OR2AJ1: variants seen among roughly 807,000 people sequenced by gnomAD.
The protein encoded by OR2AJ1 is olfactory receptor 2AJ1.
For missense variants in OR2AJ1, 280 were observed against 163.2 expected (o/e 1.72, Z -3.90); for synonymous variants, 105 against 60.3 (o/e 1.74, Z -3.44).
intron 1 of OR2AJ1, among the ~76,000 whole-genome samples, chr1:247,933,358 G>GA: frequency 6.6e-6 from 1 of 152,306 alleles, no homozygotes; most frequent in Middle Eastern, 3.4e-3. Flanking sequence ...GCAAACATGT[G>GA]AAAATGGAGC....
intron 1 of OR2AJ1, among the ~76,000 whole-genome samples, chr1:247,927,878 G>A (rs1005947854): frequency 2.0e-5 from 3 of 152,130 alleles, no homozygotes; most frequent in South Asian, 2.1e-4. Flanking sequence ...TGACTGAATA[G>A]TATTCCATTG....
intron 1 of OR2AJ1, among the ~76,000 whole-genome samples, chr1:247,932,554 T>C (rs1660165913): frequency 6.6e-6 from 1 of 152,200 alleles, no homozygotes; most frequent in African/African-American, 2.4e-5. Context: ...ATATTGTCGG[T>C]GACATACTTC....
chr1:247,926,174 CATT>C (rs1361278057), intron 1 of OR2AJ1, among the ~76,000 whole-genome samples: 3 of 152,016 alleles, frequency 2.0e-5, no homozygotes, highest in Non-Finnish European at 2.9e-5. Flanking sequence ...TAAATATAAA[CATT>C]ATCTTTAGCA....
intron 1 of OR2AJ1, among the ~76,000 whole-genome samples, chr1:247,933,441 G>C (rs1164172417): frequency 6.6e-6 from 1 of 152,172 alleles, no homozygotes; most frequent in Non-Finnish European, 1.5e-5. Context: ...GCAAGGATAG[G>C]CCTCCTTGGG....
intron 1 of OR2AJ1, among the ~76,000 whole-genome samples, chr1:247,927,232 T>G (rs1193990574): frequency 1.3e-5 from 2 of 152,178 alleles, no homozygotes; most frequent in African/African-American, 4.8e-5. Context: ...ATCATCTCAG[T>G]TTTTTTCAAT....
rs1482465575 is a variant in OR2AJ1 at position 247,924,992 on chromosome 1, A to G, written c.-199A>G. Reference sequence around the variant, plus strand: ...TAAACTGTCAGCTAATCGGAAGGAAATCGCTGAACTGAGTATCACCCAATG... The same window carrying G: ...TAAACTGTCAGCTAATCGGAAGGAAGTCGCTGAACTGAGTATCACCCAATG... On this transcript the variant is annotated 5_prime_UTR_variant, in exon 1 of 2. Transcript: ENST00000318244. 1.3e-5 allele frequency: 2 copies of G among 152,286 alleles called. No individual in the cohort carries two copies. The highest frequency in any genetic ancestry group is 2.9e-5 in the Non-Finnish European group (2 of 68,104). 9.4% of individuals were successfully genotyped at this position (152,286 alleles called of 1,614,324 possible). A position where few individuals can be genotyped will look rare whatever the true frequency, so the allele number is the denominator to read the frequency against.
At chr1:247,930,806 T>C (rs1329939297) in intron 1 of OR2AJ1, among the ~76,000 whole-genome samples, 3 of 152,040 alleles carry the variant, frequency 2.0e-5, no homozygotes, top group Non-Finnish European at 4.4e-5. Context: ...TTGAAGGAAG[T>C]GTGATGTGTC....
At chr1:247,931,327 T>A (rs2103006215) in intron 1 of OR2AJ1, among the ~76,000 whole-genome samples, 1 of 152,338 alleles carries the variant, frequency 6.6e-6, no homozygotes, top group East Asian at 1.9e-4. Flanking sequence ...TTCTCCACTT[T>A]CAAACACGGA....
intron 1 of OR2AJ1, among the ~76,000 whole-genome samples, chr1:247,929,311 A>G (rs1164293409): frequency 1.3e-5 from 2 of 152,086 alleles, no homozygotes; most frequent in African/African-American, 4.8e-5. Context: ...AGTACAAAAT[A>G]TACTTCTGAT....
intron 1 of OR2AJ1, among the ~76,000 whole-genome samples, chr1:247,929,116 A>G (rs527683097): frequency 1.3e-5 from 2 of 152,280 alleles, no homozygotes; most frequent in East Asian, 3.9e-4. Context: ...GTGAATTAAA[A>G]CATCAAATGG....
At chr1:247,926,979 C>A (rs953979962) in intron 1 of OR2AJ1, among the ~76,000 whole-genome samples, 4 of 152,174 alleles carry the variant, frequency 2.6e-5, no homozygotes, top group African/African-American at 9.7e-5. Flanking sequence ...GCGCACACAC[C>A]CCATATGCAG....
chr1:247,928,192 T>G (rs1012020390), intron 1 of OR2AJ1, among the ~76,000 whole-genome samples: 6 of 152,344 alleles, frequency 3.9e-5, no homozygotes, highest in Admixed American at 2.6e-4. Context: ...TTGTCTTTTT[T>G]GATAATGACC....
chr1:247,931,759 C>T (rs1660155026), intron 1 of OR2AJ1, among the ~76,000 whole-genome samples: 1 of 152,034 alleles, frequency 6.6e-6, no homozygotes, highest in African/African-American at 2.4e-5. Flanking sequence ...ATTAATGAGA[C>T]CTAAAATGGG....
At chr1:247,930,269 C>T (rs115432713) in intron 1 of OR2AJ1, among the ~76,000 whole-genome samples, 2 of 152,060 alleles carry the variant, frequency 1.3e-5, no homozygotes, top group Admixed American at 6.6e-5. Context: ...AGTGAACAAT[C>T]GAAGTCTGTA....
chr1:247,934,543 T>A lies in OR2AJ1; in HGVS notation c.775T>A (p.Tyr259Asn). 1 of 717,588 alleles carries A rather than the reference T, an allele frequency of 1.4e-6. No homozygotes were observed. Among genetic ancestry groups the A allele is most frequent in the Non-Finnish European group, 2.6e-6 (1 of 385,106 alleles). The allele number at this position is 717,588 out of a possible 1,614,324, so 44.5% of individuals were successfully genotyped here. The change falls in exon 2 of 2, where the codon TAT becomes AAT. Residue 259 changes from tyrosine to asparagine, a missense_variant. By Grantham distance (143) the Tyr-to-Asn change is moderately radical. Transcript: ENST00000318244. Reference protein sequence around the residue: ...TMYYGPFIFTYMRPKSYHTPG... With the variant: ...TMYYGPFIFTNMRPKSYHTPG... ...GTACTATGGGCCATTTATTTTTACA[T>A]ATATGAGACCTAAATCATACCACAC...
chr1:247,931,620 C>T (rs536495039), intron 1 of OR2AJ1, among the ~76,000 whole-genome samples: 5 of 152,026 alleles, frequency 3.3e-5, no homozygotes, highest in South Asian at 4.2e-4. Flanking sequence ...GGTATTATTG[C>T]GTAGATGATA....
chr1:247,926,876 C>G (rs1660096555), intron 1 of OR2AJ1, among the ~76,000 whole-genome samples: 1 of 152,188 alleles, frequency 6.6e-6, no homozygotes, highest in African/African-American at 2.4e-5. Flanking sequence ...TAGCTTGATT[C>G]TTTGTGACAA....
At chr1:247,927,266 C>T (rs79356174) in intron 1 of OR2AJ1, among the ~76,000 whole-genome samples, 3,398 of 152,064 alleles carry the variant, frequency 0.022, 43 homozygotes, top group Non-Finnish European at 0.032. Context: ...ATAAGAAAAT[C>T]GTTTTCTTTT....
chr1:247,934,497 C>T lies in OR2AJ1; in HGVS notation c.729C>T (p.Phe243=), dbSNP rs1302619754. Reference sequence around the variant, plus strand: ...AAAAGTCATTTTCCACTTGTTCCTTCCACATGATTGTGGTCACGATGTACT... The same window carrying T: ...AAAAGTCATTTTCCACTTGTTCCTTTCACATGATTGTGGTCACGATGTACT... ...ARKKSFSTCS[F]HMIVVTMYYG... Residue 243 remains phenylalanine, a synonymous_variant, in exon 2 of 2, where the codon TTC becomes TTT. Coordinates refer to ENST00000318244, the MANE Select transcript of OR2AJ1 (RefSeq NM_001355235.2). 1 of 717,544 alleles carries T rather than the reference C, an allele frequency of 1.4e-6. No homozygotes were observed. Among genetic ancestry groups the T allele is most frequent in the Non-Finnish European group, 2.6e-6 (1 of 385,110 alleles). 44.4% of individuals were successfully genotyped at this position (717,544 alleles called of 1,614,324 possible). A position where few individuals can be genotyped will look rare whatever the true frequency, so the allele number is the denominator to read the frequency against.
Sources: gnomAD v4.1 joint callset for allele counts (sites outside exome capture counted in the v4.1 genomes callset) on GRCh38, gnomAD v4.1.1 for gene constraint, MANE v1.5 for transcripts, NCBI Gene and HGNC (gene_info 2026-07-23, HGNC 2026-07-21) for gene names.